Variants in HTR7 observed in about 807,000 individuals in gnomAD.
HTR7 encodes 5-HT-7.
HTR7 carries 16 observed loss-of-function variants against 34.0 expected under a neutral mutation model. The observed-to-expected ratio is 0.47, with a 90% CI of 0.32 to 0.71. The LOEUF is 0.71. Among genes scored for constraint, HTR7 ranks in the 30% least tolerant of loss-of-function variants. The pLI, the probability that HTR7 is intolerant of heterozygous loss-of-function variation, is 0.04. For missense variants in HTR7, 504 were observed against 625.5 expected (o/e 0.81, Z 2.07); for synonymous variants, 265 against 260.2 (o/e 1.02, Z -0.18).
At chr10:90,773,809 TGC>T (rs1845159902) in intron 1 of HTR7, among the ~76,000 whole-genome samples, 1 of 152,240 alleles carries the variant, frequency 6.6e-6, no homozygotes. Context: ...TGAATAGTAC[TGC>T]ATTGCGTATA....
chr10:90,791,197 A>T (rs1373051424), intron 1 of HTR7, among the ~76,000 whole-genome samples: 2 of 152,062 alleles, frequency 1.3e-5, no homozygotes, highest in African/African-American at 4.8e-5. Flanking sequence ...AAAAATTATC[A>T]AATACCTGAA....
At chr10:90,784,534 A>G (rs113925244) in intron 1 of HTR7, among the ~76,000 whole-genome samples, 222 of 152,366 alleles carry the variant, frequency 1.5e-3, no homozygotes, top group African/African-American at 5.0e-3. Context: ...GGAAGCCATA[A>G]AAACAAATTC....
At chr10:90,789,487 G>T (rs79803901) in intron 1 of HTR7, among the ~76,000 whole-genome samples, 2,480 of 152,230 alleles carry the variant, frequency 0.016, 82 homozygotes, top group African/African-American at 0.055. Flanking sequence ...CTGAAAAGAA[G>T]GTGGAAAGGT....
chr10:90,857,556 G>C lies in HTR7; in HGVS notation c.116C>G (p.Pro39Arg), dbSNP rs754591406. 3.3e-5 allele frequency: 53 copies of C among 1,597,500 alleles called. No individual in the cohort carries two copies. Among genetic ancestry groups the C allele is most frequent in the Non-Finnish European group, 4.0e-5 (47 of 1,173,252 alleles). ...GTGCGGCGCCCAGGAGCCCGCGACC[G>C]GGTCGGCGCCACCGTCGGGGCTCAA... ...PDLSPDGGAD[P>R]VAGSWAPHLL... The change falls in exon 1 of 4, where the codon CCG (proline) becomes CGG (arginine). Residue 39 changes from proline (P) to arginine (R), a missense_variant. Physicochemically the swap from Pro to Arg is moderately radical, Grantham distance 103. Transcript: ENST00000336152. The surrounding 1 kb of genome is among the most constrained non-coding windows in gnomAD (Gnocchi z 6.5).
intron 1 of HTR7, among the ~76,000 whole-genome samples, chr10:90,770,386 C>T (rs981694237): frequency 3.9e-5 from 6 of 152,124 alleles, no homozygotes; most frequent in African/African-American, 1.4e-4. Flanking sequence ...CCACCCCAGG[C>T]TGCAAGGAGG....
chr10:90,798,465 C>A (rs564277387), intron 1 of HTR7, among the ~76,000 whole-genome samples: 1 of 152,240 alleles, frequency 6.6e-6, no homozygotes, highest in Non-Finnish European at 1.5e-5. Flanking sequence ...TGACTCATGC[C>A]TGGTGCTGGG....
chr10:90,794,037 C>T (rs1845499128), intron 1 of HTR7, among the ~76,000 whole-genome samples: 1 of 152,192 alleles, frequency 6.6e-6, no homozygotes, highest in African/African-American at 2.4e-5. Flanking sequence ...TCCACTGACT[C>T]AAATGTTAAT....
At chr10:90,839,761 C>A (rs111808414) in intron 1 of HTR7, among the ~76,000 whole-genome samples, 1 of 152,086 alleles carries the variant, frequency 6.6e-6, no homozygotes, top group African/African-American at 2.4e-5. Context: ...TGTTGGAAAA[C>A]AGACCAGAGA....
chr10:90,804,506 C>T (rs991718292), intron 1 of HTR7, among the ~76,000 whole-genome samples: 3 of 152,150 alleles, frequency 2.0e-5, no homozygotes, highest in Non-Finnish European at 4.4e-5. Context: ...AGGCACTCCC[C>T]CCAGCTCCTG....
At position 90,742,473 on chromosome 10, in the gene HTR7, G is replaced by T; in HGVS notation, c.*9C>A. The T allele has an allele frequency of 1.3e-6, 2 of 1,598,070 alleles. No homozygotes were observed. Among genetic ancestry groups the T allele is most frequent in the South Asian group, 1.1e-5 (1 of 90,200 alleles). On this transcript the variant is annotated 3_prime_UTR_variant, in exon 4 of 4. Coordinates refer to ENST00000336152, the MANE Select transcript of HTR7 (RefSeq NM_019859.4). ...TTGCCTTGTTTATTTCATCTCCATT[G>T]TTCTGCTTTCAATCATGAATCATGA...
At chr10:90,761,701 ATACAC>A (rs1414197073) in intron 1 of HTR7, among the ~76,000 whole-genome samples, 1 of 151,696 alleles carries the variant, frequency 6.6e-6, no homozygotes, top group Non-Finnish European at 1.5e-5. Flanking sequence ...CAAGTATACA[ATACAC>A]TATTGTTAAC....
chr10:90,743,280 T>C (rs954496062), intron 3 of HTR7, among the ~76,000 whole-genome samples: 3 of 152,152 alleles, frequency 2.0e-5, no homozygotes, highest in East Asian at 1.9e-4. Context: ...GCCCTTCAGA[T>C]GGGTGATCAA....
chr10:90,764,447 T>G (rs754214121), intron 1 of HTR7, among the ~76,000 whole-genome samples: 25 of 152,176 alleles, frequency 1.6e-4, no homozygotes, highest in Non-Finnish European at 2.9e-4. Context: ...AGATAGTTTG[T>G]TATTACTCTA....
At chr10:90,815,761 G>A (rs1845890298) in intron 1 of HTR7, among the ~76,000 whole-genome samples, 1 of 152,186 alleles carries the variant, frequency 6.6e-6, no homozygotes, top group Admixed American at 6.5e-5. Context: ...TGCTAAATGA[G>A]AACCAGTAAG....
At chr10:90,837,790 A>G (rs1446368690) in intron 1 of HTR7, among the ~76,000 whole-genome samples, 1 of 152,158 alleles carries the variant, frequency 6.6e-6, no homozygotes, top group Non-Finnish European at 1.5e-5. Context: ...AGTTGCTTCT[A>G]GCTGCCATCT....
At chr10:90,822,216 T>C (rs1489682049) in intron 1 of HTR7, among the ~76,000 whole-genome samples, 5 of 152,224 alleles carry the variant, frequency 3.3e-5, no homozygotes, top group Non-Finnish European at 7.3e-5. Context: ...TGTTAAATTG[T>C]TGTGACCAAA....
chr10:90,785,845 G>A (rs767965652), intron 1 of HTR7, among the ~76,000 whole-genome samples: 2 of 152,204 alleles, frequency 1.3e-5, no homozygotes, highest in Non-Finnish European at 2.9e-5. Flanking sequence ...CAAGAATACA[G>A]CAATCCACAA....
chr10:90,835,565 T>C (rs984506431), intron 1 of HTR7, among the ~76,000 whole-genome samples: 1 of 152,236 alleles, frequency 6.6e-6, no homozygotes, highest in Non-Finnish European at 1.5e-5. Flanking sequence ...TTGCTTGTTT[T>C]CTTGTTTCAT....
intron 1 of HTR7, among the ~76,000 whole-genome samples, chr10:90,823,297 A>G (rs1846016111): frequency 6.6e-6 from 1 of 152,216 alleles, no homozygotes; most frequent in Admixed American, 6.5e-5. Context: ...AGGCCTTGGG[A>G]GCCCATCCCT....
Sources: allele counts gnomAD v4.1 joint callset (sites outside exome capture counted in the v4.1 genomes callset), GRCh38; gene constraint gnomAD v4.1.1; non-coding constraint Gnocchi (gnomAD v3.1); transcripts MANE v1.5; gene names NCBI Gene and HGNC (gene_info 2026-07-23, HGNC 2026-07-21).